The following PFKFB3 variants were observed in gnomAD, a reference collection of about 807,000 sequenced individuals.
PFKFB3 encodes 6-phosphofructo-2-kinase/fructose-2,6-biphosphatase 3, also known as 6-phosphofructo-2-kinase/fructose-2,6-bisphosphatase 3.
In PFKFB3, 33 loss-of-function variants were observed where a neutral mutation model predicts 68.0. The ratio of observed to expected loss-of-function variants is 0.49; its 90% CI spans 0.37 to 0.65. The LOEUF (loss-of-function observed/expected upper bound fraction) is 0.65. PFKFB3 is among the 30% of genes least tolerant of loss of function. PFKFB3 has a pLI of 0.00. For missense variants in PFKFB3, 586 were observed against 712.2 expected (o/e 0.82, Z 2.02); for synonymous variants, 315 against 288.2 (o/e 1.09, Z -0.94).
At chr10:6,168,633 T>C (rs1438779780) in intron 1 of PFKFB3, among the ~76,000 whole-genome samples, 12 of 152,212 alleles carry the variant, frequency 7.9e-5, no homozygotes, top group Non-Finnish European at 1.8e-4. Context: ...TTAAAGGAAC[T>C]TTCTGCCCAG....
chr10:6,207,176 C>A (rs1394553898), intron 1 of PFKFB3, among the ~76,000 whole-genome samples: 1 of 152,264 alleles, frequency 6.6e-6, no homozygotes, highest in Non-Finnish European at 1.5e-5. Context: ...GAGACTCCGT[C>A]TGCAATCCCG....
chr10:6,258,377 T>G (rs749528556), downstream of PFKFB3, among the ~76,000 whole-genome samples: 8 of 152,160 alleles, frequency 5.3e-5, no homozygotes, highest in African/African-American at 7.2e-5. Context: ...AAGACAGAAA[T>G]GCACAAGGCC....
intron 4 of PFKFB3, 110 bp from the exon 5 acceptor site, chr10:6,216,595 CT>C (rs1844604224): frequency 1.2e-6 from 1 of 813,910 alleles, no homozygotes; most frequent in Admixed American, 1.8e-5. Flanking sequence ...CCCTGAAGCA[CT>C]TTTGGGGCTT....
chr10:6,179,946 C>T lies in PFKFB3; in HGVS notation c.17-33677C>T, dbSNP rs540528126. Reference sequence around the variant, plus strand: ...GAGACCAGGAGCATCCACTGACAAACGCCCGGTGAGGTCGATCCTGGTGAC... The same window carrying T: ...GAGACCAGGAGCATCCACTGACAAATGCCCGGTGAGGTCGATCCTGGTGAC... On this transcript the variant is annotated intron_variant, in intron 1 of 14. Coordinates refer to the PFKFB3 transcript ENST00000379789. Among the ~76,000 whole-genome samples the T allele has an allele frequency of 9.9e-5, 15 of 152,280 alleles. No individual in the cohort carries two copies. In the East Asian group the frequency reaches 1.7e-3, roughly 18 times the overall value.
the PFKFB3 span, chr10:6,277,785 C>T: frequency 2.4e-6 from 1 of 423,436 alleles, no homozygotes; most frequent in Non-Finnish European, 4.8e-6. Flanking sequence ...AACCTCTTTT[C>T]TTCATAAATT....
the PFKFB3 span, among the ~76,000 whole-genome samples, chr10:6,306,589 G>A: frequency 6.6e-6 from 1 of 152,212 alleles, no homozygotes; most frequent in Non-Finnish European, 1.5e-5. Flanking sequence ...ATTAAAAAAA[G>A]AAATGTATGA....
rs918654603 is a variant in PFKFB3 at position 6,221,820 on chromosome 10, C to A, written c.1083+75C>A. 16 of 997,584 alleles carry A rather than the reference C, an allele frequency of 1.6e-5. No individual in the cohort carries two copies. In the African/African-American group the frequency reaches 2.5e-4, roughly 16 times the overall value. The allele number at this position is 997,584 out of a possible 1,614,324, so 61.8% of individuals were successfully genotyped here. A position where few individuals can be genotyped will look rare whatever the true frequency, so the allele number is the denominator to read the frequency against. Reference sequence around the variant, plus strand: ...GCTGTGCAGGGCTGGGCCACCCCTCCAGGGAGTTCACTTCCGTGTGGGTTC... The same window carrying A: ...GCTGTGCAGGGCTGGGCCACCCCTCAAGGGAGTTCACTTCCGTGTGGGTTC... On this transcript the variant is annotated intron_variant, in intron 10 of 14. Transcript: ENST00000379775.
the PFKFB3 span, among the ~76,000 whole-genome samples, chr10:6,284,884 AG>A: frequency 6.6e-6 from 1 of 152,210 alleles, no homozygotes; most frequent in Non-Finnish European, 1.5e-5. Flanking sequence ...AATGTTTTTA[AG>A]GTTTATCTAT....
intron 1 of PFKFB3, among the ~76,000 whole-genome samples, chr10:6,172,830 A>G (rs1391577958): frequency 6.6e-6 from 1 of 151,960 alleles, no homozygotes; most frequent in Non-Finnish European, 1.5e-5. Flanking sequence ...TCAGAAAAAA[A>G]AAAAAAAGTT....
chr10:6,226,592 G>A, intron 14 of PFKFB3: 1 of 552,566 alleles, frequency 1.8e-6, no homozygotes, highest in Admixed American at 3.6e-5. Context: ...GATCCTGGGG[G>A]CTTTCCTTGC....
At chr10:6,236,455 G>T (rs79819513), downstream of PFKFB3, among the ~76,000 whole-genome samples, 3 of 152,144 alleles carry the variant, frequency 2.0e-5, no homozygotes, top group Non-Finnish European at 2.9e-5. Context: ...CCACTGCTGC[G>T]CTCCAGAAAT....
intron 14 of PFKFB3, among the ~76,000 whole-genome samples, chr10:6,227,015 G>A (rs768244331): frequency 3.3e-5 from 5 of 152,062 alleles, no homozygotes; most frequent in Admixed American, 6.5e-5. Flanking sequence ...GAACCCAGGA[G>A]GCGGAGGTTG....
intron 1 of PFKFB3, among the ~76,000 whole-genome samples, chr10:6,148,669 GA>G (rs1841477417): frequency 6.6e-6 from 1 of 152,222 alleles, no homozygotes; most frequent in African/African-American, 2.4e-5. Flanking sequence ...AAGGAGGCAG[GA>G]AGCACTTCAG....
chr10:6,159,407 C>CA (rs970393931), intron 1 of PFKFB3, among the ~76,000 whole-genome samples: 2 of 145,882 alleles, frequency 1.4e-5, no homozygotes, highest in South Asian at 4.3e-4. Context: ...TTAAAAAAAA[C>CA]AAAAAAAAGC....
At chr10:6,214,395 C>T (rs746708720) in intron 2 of PFKFB3, among the ~76,000 whole-genome samples, 2 of 152,140 alleles carry the variant, frequency 1.3e-5, no homozygotes, top group Non-Finnish European at 2.9e-5. Flanking sequence ...AAATTGTCTT[C>T]CACGAAAGTG....
intron 1 of PFKFB3, among the ~76,000 whole-genome samples, chr10:6,165,110 G>T (rs1053932782): frequency 3.3e-5 from 5 of 152,156 alleles, no homozygotes; most frequent in Admixed American, 6.6e-5. Flanking sequence ...TGTCTCAGTG[G>T]GGGGAAACCT....
intron 1 of PFKFB3, among the ~76,000 whole-genome samples, chr10:6,168,139 C>CCT (rs1842196414): frequency 6.6e-6 from 1 of 152,214 alleles, no homozygotes; most frequent in Admixed American, 6.5e-5. Context: ...TCTCCAACCC[C>CCT]AGCATTTTCA....
chr10:6,294,549 G>C, the PFKFB3 span: 1 of 175,324 alleles, frequency 5.7e-6, no homozygotes, highest in Non-Finnish European at 1.2e-5. Flanking sequence ...CTCCCACCGG[G>C]TCCCTCCCAT....
upstream of PFKFB3, among the ~76,000 whole-genome samples, chr10:6,199,899 G>A (rs1843279833): frequency 1.3e-5 from 2 of 151,798 alleles, no homozygotes; most frequent in Admixed American, 6.6e-5. Context: ...TTCTAGGTGA[G>A]TCTGAATCAC....
Sources: gnomAD v4.1 joint callset for allele counts (sites outside exome capture counted in the v4.1 genomes callset) on GRCh38, gnomAD v4.1.1 for gene constraint, MANE v1.5 for transcripts, NCBI Gene and HGNC (gene_info 2026-07-23, HGNC 2026-07-21) for gene names.